Variants in SMUG1 observed in about 807,000 individuals in gnomAD.
The protein encoded by SMUG1 is single-strand selective monofunctional uracil DNA glycosylase.
Under a neutral mutation model 23.9 loss-of-function variants are expected in SMUG1, and 13 were observed. That is an observed-to-expected ratio of 0.54 (90% CI 0.35 to 0.86). The LOEUF (loss-of-function observed/expected upper bound fraction) is 0.86. Among genes scored for constraint, SMUG1 ranks in the 40% least tolerant of loss-of-function variants. SMUG1 has a pLI of 0.01. For synonymous variants in SMUG1, 133 were observed against 139.8 expected (o/e 0.95, Z 0.34); for missense variants, 313 against 339.5 (o/e 0.92, Z 0.61).
At chr12:54,171,373 C>G (rs957055377) in intron 3 of SMUG1, among the ~76,000 whole-genome samples, 1 of 151,724 alleles carries the variant, frequency 6.6e-6, no homozygotes, top group Non-Finnish European at 1.5e-5. Context: ...AAATTTCTAT[C>G]TCCAGTCTGG....
At chr12:54,188,055 T>C (rs1057163012) in intron 1 of SMUG1, 153 bp from the exon 2 acceptor site, 3 of 151,946 alleles carry the variant, frequency 2.0e-5, no homozygotes, top group Non-Finnish European at 4.4e-5. Flanking sequence ...GTAGATATTT[T>C]ATAAAATACG....
downstream of SMUG1, among the ~76,000 whole-genome samples, chr12:54,161,193 G>A (rs557435903): frequency 8.4e-4 from 117 of 139,912 alleles, no homozygotes; most frequent in Non-Finnish European, 1.0e-3. The surrounding 1 kb of genome is among the most constrained non-coding windows in gnomAD (Gnocchi z 4.2). Context: ...CTGGGCACCC[G>A]TTTGCCAGGG....
chr12:54,173,854 C>A (rs1203557066), intron 2 of SMUG1, among the ~76,000 whole-genome samples: 1 of 151,246 alleles, frequency 6.6e-6, no homozygotes, highest in African/African-American at 2.4e-5. Context: ...CAGAAAGACA[C>A]GACAAGCCCC....
chr12:54,185,485 AAAATAAATAAATAAATAAATAAAT>A (rs71070813), intron 2 of SMUG1, among the ~76,000 whole-genome samples: 4,907 of 85,242 alleles, frequency 0.058, 926 homozygotes, highest in East Asian at 0.15. Context: ...AATAAAATAA[AAAATAAATAAATAAATAAATAAAT>A]AAATAAATAA....
At chr12:54,177,930 A>G (rs190238750), downstream of SMUG1, among the ~76,000 whole-genome samples, 303 of 152,262 alleles carry the variant, frequency 2.0e-3, no homozygotes, top group Non-Finnish European at 3.6e-3. Flanking sequence ...GCCGATTTGT[A>G]TGTTGAAGCC....
Position 54,165,637 on chromosome 12 carries a change from A to G in SMUG1, c.*53-159T>C, listed in dbSNP as rs1940430788. On this transcript the variant is annotated intron_variant and NMD_transcript_variant, in intron 3 of 4. Transcript: ENST00000509864. Reference sequence around the variant, plus strand: ...CAGTGAGCTATGATCATGCCACTACACTGTAGCCTGGGCAACAGAGTAAGA... The same window carrying G: ...CAGTGAGCTATGATCATGCCACTACGCTGTAGCCTGGGCAACAGAGTAAGA... Among the ~76,000 whole-genome samples the G allele has an allele frequency of 2.0e-5, 3 of 152,346 alleles. No homozygotes were observed. In the South Asian group the frequency reaches 6.2e-4, roughly 32 times the overall value.
chr12:54,172,183 T>C (rs1940637813), intron 2 of SMUG1: 1 of 430,024 alleles, frequency 2.3e-6, no homozygotes, highest in African/African-American at 2.0e-5. Context: ...TTACTCGGAG[T>C]GTGAGTTTTA....
intron 1 of SMUG1, among the ~76,000 whole-genome samples, chr12:54,188,295 A>AAATAATAATAAT (rs757369651): frequency 7.3e-5 from 5 of 68,894 alleles, no homozygotes; most frequent in Non-Finnish European, 1.0e-4. Flanking sequence ...TAATAATAAT[A>AAATAATAATAAT]AATAATAATA....
rs3136387 is a variant in SMUG1 at position 54,183,228 on chromosome 12, G to A, written c.285+428C>T. On this transcript the variant is annotated intron_variant, in intron 3 of 3. Transcript: ENST00000682136. Reference sequence around the variant, plus strand: ...GGAGCCAGGCTCTGTTTTGAACCTCGCCTTAGCTAGGAAACAGAACCCAGG... The same window carrying A: ...GGAGCCAGGCTCTGTTTTGAACCTCACCTTAGCTAGGAAACAGAACCCAGG... 1,268 of 275,580 alleles carry A rather than the reference G, an allele frequency of 4.6e-3. 16 individuals are homozygous for A. Among genetic ancestry groups the A allele is most frequent in the African/African-American group, 0.026 (1,190 of 45,696 alleles). 17.1% of individuals were successfully genotyped at this position (275,580 alleles called of 1,614,324 possible).
downstream of SMUG1, among the ~76,000 whole-genome samples, chr12:54,178,631 T>A (rs994688621): frequency 6.6e-6 from 1 of 152,168 alleles, no homozygotes; most frequent in Non-Finnish European, 1.5e-5. Context: ...AGTGTGTGTG[T>A]TCTGTGCATC....
At chr12:54,177,922 C>T (rs917018527), downstream of SMUG1, among the ~76,000 whole-genome samples, 6 of 152,052 alleles carry the variant, frequency 3.9e-5, no homozygotes, top group Non-Finnish European at 5.9e-5. Flanking sequence ...GCCCCCCTGC[C>T]GATTTGTATG....
chr12:54,178,005 G>C (rs955423215), downstream of SMUG1, among the ~76,000 whole-genome samples: 1 of 152,138 alleles, frequency 6.6e-6, no homozygotes, highest in Admixed American at 6.5e-5. Context: ...GGGTAATAAG[G>C]GGGGACCTAA....
At chr12:54,159,905 C>T (rs1940189712), downstream of SMUG1, among the ~76,000 whole-genome samples, 1 of 152,266 alleles carries the variant, frequency 6.6e-6, no homozygotes, top group Non-Finnish European at 1.5e-5. Flanking sequence ...CATTACCACA[C>T]TGCAGTGCAC....
chr12:54,176,821 TAAA>T (rs201445348), downstream of SMUG1, among the ~76,000 whole-genome samples: 96,071 of 133,564 alleles, frequency 0.72, 32,948 homozygotes, highest in South Asian at 0.83. Flanking sequence ...AAATAAAAAC[TAAA>T]AAAAAAAAAA....
At chr12:54,158,982 C>T (rs1452119883) in intron 4 of SMUG1, among the ~76,000 whole-genome samples, 2 of 152,178 alleles carry the variant, frequency 1.3e-5, no homozygotes, top group Non-Finnish European at 2.9e-5. Context: ...CATTTAATAT[C>T]CTATCCCAGT....
downstream of SMUG1, among the ~76,000 whole-genome samples, chr12:54,161,739 C>G (rs760806191): frequency 6.6e-6 from 1 of 152,192 alleles, no homozygotes; most frequent in Non-Finnish European, 1.5e-5. This position sits in a 1 kb window ranked among gnomAD's most constrained non-coding sequence, Gnocchi z 4.2. Context: ...CTTCCCCTAC[C>G]CCAAATCCCT....
intron 3 of SMUG1, among the ~76,000 whole-genome samples, chr12:54,166,348 G>A (rs369789040): frequency 3.9e-5 from 6 of 152,124 alleles, no homozygotes; most frequent in Admixed American, 2.6e-4. Context: ...GCAACAGAGC[G>A]AGACTGTGTC....
At chr12:54,183,303 T>G (rs1162672424) in intron 3 of SMUG1, 5 of 419,420 alleles carry the variant, frequency 1.2e-5, no homozygotes, top group Non-Finnish European at 2.1e-5. Flanking sequence ...TCAACCAGTC[T>G]CTTCTGAGGA....
At chr12:54,183,227 C>T (rs530620921) in intron 3 of SMUG1, 6 of 276,254 alleles carry the variant, frequency 2.2e-5, no homozygotes, top group South Asian at 1.5e-4. Context: ...TTTTGAACCT[C>T]GCCTTAGCTA....
Sources: allele counts gnomAD v4.1 joint callset (sites outside exome capture counted in the v4.1 genomes callset), GRCh38; gene constraint gnomAD v4.1.1; non-coding constraint Gnocchi (gnomAD v3.1); transcripts MANE v1.5; gene names NCBI Gene and HGNC (gene_info 2026-07-23, HGNC 2026-07-21).